Variants in ATG7 observed in about 807,000 individuals in gnomAD.
The protein encoded by ATG7 is autophagy related 7, also known as ubiquitin-like modifier-activating enzyme ATG7.
In ATG7, 70 loss-of-function variants were observed where a neutral mutation model predicts 82.4. That is an observed-to-expected ratio of 0.85 (90% CI 0.70 to 1.04). The LOEUF (loss-of-function observed/expected upper bound fraction) is 1.04, where lower values mean the gene tolerates loss of function less well. Among genes scored for constraint, ATG7 ranks in the 50% least tolerant of loss-of-function variants. The pLI is 0.00. For synonymous variants in ATG7, 287 were observed against 313.0 expected (o/e 0.92, Z 0.88); for missense variants, 792 against 864.3 (o/e 0.92, Z 1.05).
intron 19 of ATG7, among the ~76,000 whole-genome samples, chr3:11,407,243 A>C (rs937711551): frequency 2.0e-5 from 3 of 152,214 alleles, no homozygotes; most frequent in African/African-American, 7.2e-5. Context: ...TAAAGCTCCA[A>C]AATGATCTCC....
At chr3:11,519,547 T>G (rs865903701) in intron 20 of ATG7, among the ~76,000 whole-genome samples, 7 of 64,372 alleles carry the variant, frequency 1.1e-4, no homozygotes, top group African/African-American at 2.9e-4. Context: ...GAGTTTTTTT[T>G]TTTTTTTTTT....
At chr3:11,514,782 AAG>A (rs2092211628) in intron 20 of ATG7, among the ~76,000 whole-genome samples, 1 of 152,196 alleles carries the variant, frequency 6.6e-6, no homozygotes, top group South Asian at 2.1e-4. Context: ...GGAGAAAAGA[AAG>A]AGAAGTATGT....
chr3:11,540,646 A>C (rs2070736905), intron 20 of ATG7, among the ~76,000 whole-genome samples: 1 of 151,064 alleles, frequency 6.6e-6, no homozygotes, highest in Non-Finnish European at 1.5e-5. Flanking sequence ...ATCTCAAAAA[A>C]AAAAAGTCTT....
At chr3:11,525,521 C>G (rs2092556848) in intron 20 of ATG7, among the ~76,000 whole-genome samples, 1 of 140,960 alleles carries the variant, frequency 7.1e-6, no homozygotes, top group South Asian at 2.2e-4. Context: ...TGATTAACAC[C>G]TTTTACACAG....
intron 3 of ATG7, 30 bp downstream of exon 3, chr3:11,282,468 A>G (rs912094325): frequency 2.6e-5 from 4 of 152,176 alleles, no homozygotes; most frequent in African/African-American, 7.2e-5. Flanking sequence ...CATCATAGCA[A>G]TTTTCCTAAC....
At chr3:11,479,178 T>C (rs1362434212) in intron 20 of ATG7, among the ~76,000 whole-genome samples, 1 of 152,168 alleles carries the variant, frequency 6.6e-6, no homozygotes, top group East Asian at 1.9e-4. Context: ...TTCACATATA[T>C]GAAATAACAG....
chr3:11,276,375 T>C (rs991838477), intron 1 of ATG7, among the ~76,000 whole-genome samples: 1 of 152,226 alleles, frequency 6.6e-6, no homozygotes, highest in African/African-American at 2.4e-5. Context: ...CATCATTTGT[T>C]CATTTTCTTT....
intron 20 of ATG7, among the ~76,000 whole-genome samples, chr3:11,485,313 G>A (rs2089495125): frequency 6.6e-6 from 1 of 152,052 alleles, no homozygotes; most frequent in Non-Finnish European, 1.5e-5. Flanking sequence ...ATTTTTTCAT[G>A]TGTTTTTTGG....
chr3:11,416,287 T>C (rs1026844635), intron 19 of ATG7, among the ~76,000 whole-genome samples: 1 of 152,252 alleles, frequency 6.6e-6, no homozygotes, highest in African/African-American at 2.4e-5. Context: ...TGGTATAATC[T>C]CTTTCTTAAA....
In ATG7 at chr3:11,420,881, G is replaced by C. The variant is rs530701532; in HGVS notation, c.1957-5923G>C. ...TGCCATTCTCCTGCCTCAGCCTCCT[G>C]AGTAGCTGGGACTACAGGTGTATGC... On this transcript the variant is annotated intron_variant, in intron 19 of 20. Transcript: ENST00000693202. 3.2e-3 allele frequency among the ~76,000 whole-genome samples: 479 copies of C among 150,862 alleles called. 1 individual carries two copies. The highest frequency in any genetic ancestry group is 0.011 in the African/African-American group (457 of 40,980).
chr3:11,567,844 T>C, the ATG7 span, among the ~76,000 whole-genome samples: 2 of 152,202 alleles, frequency 1.3e-5, no homozygotes, highest in African/African-American at 4.8e-5. Context: ...AATTTTATTG[T>C]TAACAACATG....
chr3:11,363,718 G>A (rs948896409), intron 17 of ATG7, among the ~76,000 whole-genome samples: 2 of 152,180 alleles, frequency 1.3e-5, no homozygotes, highest in Non-Finnish European at 2.9e-5. Context: ...TATGTTTAAT[G>A]ACTTTGTTAT....
chr3:11,326,265 CT>C (rs1431514570), intron 9 of ATG7, among the ~76,000 whole-genome samples: 4 of 150,288 alleles, frequency 2.7e-5, no homozygotes, highest in Non-Finnish European at 5.9e-5. Context: ...CCTTTTTACA[CT>C]TGATAGAGTT....
intron 3 of ATG7, among the ~76,000 whole-genome samples, chr3:11,287,069 A>G (rs1423033129): frequency 6.6e-6 from 1 of 152,120 alleles, no homozygotes; most frequent in Non-Finnish European, 1.5e-5. Flanking sequence ...CCTGGCTGAT[A>G]AAAGGTTTCT....
At chr3:11,373,003 A>G (rs1292825477) in intron 18 of ATG7, among the ~76,000 whole-genome samples, 1 of 151,206 alleles carries the variant, frequency 6.6e-6, no homozygotes. Flanking sequence ...TCATGGGAGT[A>G]TGGGTTATTG....
rs1057158954 is a variant in ATG7 at position 11,511,476 on chromosome 3, G to A, written c.2080-43335G>A. On this transcript the variant is annotated intron_variant, in intron 20 of 20. Coordinates refer to ENST00000693202, the MANE Select transcript of ATG7 (RefSeq NM_001349232.2). ...GCTGATTGGTGTATTTGTAATCCCT[G>A]AGCTAGATATAAAGACTCTCCATGT... Among the ~76,000 whole-genome samples, 5 of 152,354 alleles carry A rather than the reference G, an allele frequency of 3.3e-5. No homozygotes were observed. The South Asian group carries it at 1.0e-3, about 32-fold the overall frequency.
At chr3:11,477,011 C>A (rs946495116) in intron 20 of ATG7, 2 of 1,032,300 alleles carry the variant, frequency 1.9e-6, no homozygotes, top group South Asian at 1.4e-5. Flanking sequence ...CAGTGTTTTC[C>A]GATGGCAGTC....
At chr3:11,383,795 G>T (rs1294837752) in intron 19 of ATG7, among the ~76,000 whole-genome samples, 1 of 152,204 alleles carries the variant, frequency 6.6e-6, no homozygotes, top group Non-Finnish European at 1.5e-5. Flanking sequence ...AATAATACAG[G>T]AAGTAGTTTC....
chr3:11,524,373 G>A (rs2092520086), intron 20 of ATG7, among the ~76,000 whole-genome samples: 1 of 152,314 alleles, frequency 6.6e-6, no homozygotes, highest in Middle Eastern at 3.4e-3. Flanking sequence ...AAATATTACA[G>A]AAATACACAA....
Sources: allele counts gnomAD v4.1 joint callset (sites outside exome capture counted in the v4.1 genomes callset), GRCh38; gene constraint gnomAD v4.1.1; transcripts MANE v1.5; gene names NCBI Gene and HGNC (gene_info 2026-07-23, HGNC 2026-07-21).